The following KCNMA1 variants were observed in gnomAD, a reference collection of about 807,000 sequenced individuals.
KCNMA1 encodes potassium calcium-activated channel subfamily M alpha 1.
KCNMA1 carries 29 observed loss-of-function variants against 140.0 expected under a neutral mutation model. The ratio of observed to expected loss-of-function variants is 0.21; its 90% confidence interval spans 0.15 to 0.28. The LOEUF (loss-of-function observed/expected upper bound fraction) is 0.28. Ranked by LOEUF, KCNMA1 falls within the 10% of genes least tolerant of loss-of-function variation. The pLI is 1.00. For synonymous variants in KCNMA1, 612 were observed against 611.9 expected (o/e 1.00, Z 0.00); for missense variants, 880 against 1,602.2 (o/e 0.55, Z 7.70).
intron 14 of KCNMA1, chr10:77,063,551 T>C (rs941754365): frequency 4.3e-5 from 7 of 163,962 alleles, no homozygotes; most frequent in Non-Finnish European, 7.6e-5. Flanking sequence ...AAATCAATGG[T>C]GCTTCCTTGT....
intron 1 of KCNMA1, among the ~76,000 whole-genome samples, chr10:77,437,283 A>G (rs765437160): frequency 6.6e-6 from 1 of 152,176 alleles, no homozygotes; most frequent in Non-Finnish European, 1.5e-5. Context: ...AAAGCACAAG[A>G]CAGGGAGAAA....
chr10:77,428,566 T>C (rs2097078091), intron 1 of KCNMA1, among the ~76,000 whole-genome samples: 1 of 152,072 alleles, frequency 6.6e-6, no homozygotes, highest in Admixed American at 6.5e-5. Flanking sequence ...AAGTTATCCA[T>C]AGGAAAATTC....
At chr10:77,567,930 A>G (rs899282369) in intron 1 of KCNMA1, among the ~76,000 whole-genome samples, 5 of 152,224 alleles carry the variant, frequency 3.3e-5, no homozygotes, top group African/African-American at 1.2e-4. Flanking sequence ...TGTCTCTACA[A>G]AAAGTACAAA....
intron 5 of KCNMA1, among the ~76,000 whole-genome samples, chr10:77,181,051 G>A (rs775071821): frequency 1.3e-5 from 2 of 152,170 alleles, no homozygotes; most frequent in Non-Finnish European, 2.9e-5. Context: ...CCGGGGGCAT[G>A]TTCTGCTCAC....
chr10:77,617,667 A>G (rs1283241862), intron 1 of KCNMA1, among the ~76,000 whole-genome samples: 2 of 152,232 alleles, frequency 1.3e-5, no homozygotes, highest in Non-Finnish European at 2.9e-5. Flanking sequence ...GTGACATCAC[A>G]TAGCCATTGC....
At chr10:77,555,992 A>C (rs1294409411) in intron 1 of KCNMA1, among the ~76,000 whole-genome samples, 1 of 152,208 alleles carries the variant, frequency 6.6e-6, no homozygotes, top group African/African-American at 2.4e-5. Context: ...GGGTTTTCAA[A>C]AGCACTCTGA....
intron 9 of KCNMA1, among the ~76,000 whole-genome samples, chr10:77,105,232 A>T (rs1302153048): frequency 6.6e-6 from 1 of 152,214 alleles, no homozygotes; most frequent in African/African-American, 2.4e-5. Flanking sequence ...AAGGCACTCT[A>T]GGCCCTTGAA....
At chr10:77,368,713 G>T (rs1422913358) in intron 2 of KCNMA1, among the ~76,000 whole-genome samples, 1 of 152,198 alleles carries the variant, frequency 6.6e-6, no homozygotes, top group Non-Finnish European at 1.5e-5. Context: ...TATAAGACAT[G>T]AAGTTTAGGT....
At chr10:77,365,732 A>G (rs994519687) in intron 2 of KCNMA1, among the ~76,000 whole-genome samples, 10 of 152,112 alleles carry the variant, frequency 6.6e-5, no homozygotes, top group Non-Finnish European at 1.5e-4. Flanking sequence ...GACTTCCCAA[A>G]TGAGTTCTGA....
chr10:77,575,779 G>C (rs76327561), intron 1 of KCNMA1, among the ~76,000 whole-genome samples: 1 of 152,210 alleles, frequency 6.6e-6, no homozygotes. Context: ...AGTTTCCAAC[G>C]TGCAGGTGCT....
intron 1 of KCNMA1, among the ~76,000 whole-genome samples, chr10:77,458,259 C>T (rs2097792516): frequency 2.6e-5 from 4 of 152,258 alleles, no homozygotes; most frequent in Admixed American, 2.6e-4. Flanking sequence ...CCTCACTGTG[C>T]TGGCTTCTTT....
chr10:77,630,561 G>C (rs2154571023), intron 1 of KCNMA1, among the ~76,000 whole-genome samples: 1 of 152,314 alleles, frequency 6.6e-6, no homozygotes, highest in East Asian at 1.9e-4. Context: ...CGATCTGGCA[G>C]AGCAAACCTT....
chr10:77,334,847 A>G (rs1355971212), intron 2 of KCNMA1, among the ~76,000 whole-genome samples: 2 of 152,246 alleles, frequency 1.3e-5, no homozygotes, highest in Non-Finnish European at 2.9e-5. Context: ...TGCATAACCC[A>G]ATATATGTAA....
chr10:77,420,615 C>G (rs2096846029), intron 1 of KCNMA1, among the ~76,000 whole-genome samples: 1 of 152,216 alleles, frequency 6.6e-6, no homozygotes, highest in African/African-American at 2.4e-5. Flanking sequence ...CTTATTAATT[C>G]TTATATTTCA....
At chr10:77,194,621 T>C (rs1487372520) in intron 3 of KCNMA1, among the ~76,000 whole-genome samples, 1 of 152,130 alleles carries the variant, frequency 6.6e-6, no homozygotes, top group Non-Finnish European at 1.5e-5. Context: ...GATAATGAGA[T>C]GCCTGAGACG....
At chr10:76,910,322 C>T in intron 24 of KCNMA1, 1 of 521,432 alleles carries the variant, frequency 1.9e-6, no homozygotes, top group Non-Finnish European at 3.5e-6. Flanking sequence ...TAAGTTCAAG[C>T]AGGCTTGCTC....
chr10:77,175,656 A>T lies in KCNMA1; in HGVS notation c.808+7765T>A, dbSNP rs142229513. 2.2e-4 allele frequency among the ~76,000 whole-genome samples: 33 copies of T among 152,304 alleles called. No individual in the cohort carries two copies. In the East Asian group the frequency reaches 6.0e-3, roughly 28 times the overall value. On this transcript the variant is annotated intron_variant, in intron 5 of 27. Coordinates refer to ENST00000286628, the MANE Select transcript of KCNMA1 (RefSeq NM_001161352.2). ...GTCAGAGAGGAATTCATTCCAATGG[A>T]TGAGAATGGGAAAGCTGCACACAGG...
At chr10:77,043,109 C>T (rs2094833379) in intron 14 of KCNMA1, among the ~76,000 whole-genome samples, 1 of 152,192 alleles carries the variant, frequency 6.6e-6, no homozygotes, top group South Asian at 2.1e-4. Context: ...GAAAAAAGTA[C>T]AGAATGTTCT....
At chr10:77,600,620 T>C (rs555356505) in intron 1 of KCNMA1, among the ~76,000 whole-genome samples, 13 of 152,114 alleles carry the variant, frequency 8.5e-5, no homozygotes, top group East Asian at 3.9e-4. Flanking sequence ...TGGTGGCACA[T>C]GCCTGTAATC....
Sources: gnomAD v4.1 joint callset for allele counts (sites outside exome capture counted in the v4.1 genomes callset) on GRCh38, gnomAD v4.1.1 for gene constraint, MANE v1.5 for transcripts, NCBI Gene and HGNC (gene_info 2026-07-23, HGNC 2026-07-21) for gene names.